Variants in OPCML observed in about 807,000 individuals in gnomAD.
OPCML encodes opioid binding protein/cell adhesion molecule like.
In OPCML, 13 loss-of-function variants were observed where a neutral mutation model predicts 37.8. That is an observed-to-expected ratio of 0.34 (90% CI 0.22 to 0.55). The LOEUF (loss-of-function observed/expected upper bound fraction) is 0.55, where lower values mean the gene tolerates loss of function less well. Ranked by LOEUF, OPCML falls within the 20% of genes least tolerant of loss-of-function variation. OPCML has a pLI of 0.91. For missense variants in OPCML, 341 were observed against 435.6 expected, an observed-to-expected ratio of 0.78 and a Z score of 1.93; for synonymous variants, 176 against 168.8, an observed-to-expected ratio of 1.04 and a Z score of -0.33.
intron 1 of OPCML, among the ~76,000 whole-genome samples, chr11:133,184,479 G>T (rs551738049): frequency 3.3e-5 from 5 of 152,252 alleles, no homozygotes; most frequent in Non-Finnish European, 7.4e-5. Context: ...CCTTCCGTGG[G>T]GAGGGAAGAA....
intron 2 of OPCML, among the ~76,000 whole-genome samples, chr11:132,673,623 C>T (rs979393013): frequency 1.3e-5 from 2 of 152,034 alleles, no homozygotes; most frequent in Non-Finnish European, 1.5e-5. Context: ...GGGTCATTGG[C>T]TCCTCAGAGT....
intron 1 of OPCML, among the ~76,000 whole-genome samples, chr11:133,175,454 G>A (rs1950353357): frequency 1.3e-5 from 2 of 150,684 alleles, no homozygotes; most frequent in Non-Finnish European, 2.9e-5. Context: ...CTTTGGTATA[G>A]GTCTACAAGT....
chr11:133,484,417 T>C (rs1413634203), intron 1 of OPCML, among the ~76,000 whole-genome samples: 1 of 152,026 alleles, frequency 6.6e-6, no homozygotes, highest in Non-Finnish European at 1.5e-5. Context: ...AAATACGAAT[T>C]GGTAACTCAG....
chr11:133,251,577 TG>T lies in OPCML; in HGVS notation c.61+280686del, dbSNP rs35847000. On this transcript the variant is annotated intron_variant, in intron 1 of 7. Coordinates refer to ENST00000524381, the MANE Select transcript of OPCML (RefSeq NM_001012393.5). ...TTTTTGTTTGTTTGTGTTCTTTTTT[TG>T]GGGGGGGGAGGGGACACGGGGTACA... is the stretch of plus-strand genomic sequence containing the variant. Among the ~76,000 whole-genome samples the T allele has an allele frequency of 7.9e-4, 106 of 134,738 alleles. 1 individual carries two copies. The highest frequency in any genetic ancestry group is 1.5e-3 in the African/African-American group (54 of 36,878). The allele number at this position is 134,738 out of a possible 152,430, so 88.4% of individuals were successfully genotyped here.
chr11:132,690,484 T>G (rs149593776), intron 2 of OPCML, among the ~76,000 whole-genome samples: 15 of 152,160 alleles, frequency 9.9e-5, no homozygotes, highest in African/African-American at 3.1e-4. Context: ...CTGGAGTGTG[T>G]CAAAGGAAAG....
At chr11:132,577,670 T>C (rs1237372923) in intron 3 of OPCML, among the ~76,000 whole-genome samples, 1 of 152,192 alleles carries the variant, frequency 6.6e-6, no homozygotes, top group African/African-American at 2.4e-5. Context: ...AATGAAACTT[T>C]CTCTAGCTAG....
intron 1 of OPCML, among the ~76,000 whole-genome samples, chr11:133,384,964 C>A (rs1258869239): frequency 6.6e-6 from 1 of 152,244 alleles, no homozygotes; most frequent in Non-Finnish European, 1.5e-5. Context: ...AGAGGCCGGC[C>A]AGATCCCAGG....
chr11:132,922,311 G>A (rs1944834679), intron 2 of OPCML, among the ~76,000 whole-genome samples: 1 of 152,096 alleles, frequency 6.6e-6, no homozygotes. Context: ...CCCAAGCTGA[G>A]ACAATCTGAT....
intron 2 of OPCML, among the ~76,000 whole-genome samples, chr11:132,745,111 A>T (rs1945571380): frequency 6.6e-6 from 1 of 152,146 alleles, no homozygotes. Flanking sequence ...CACACAGTAG[A>T]CTTCATGGTC....
At chr11:133,083,375 C>T (rs545645228) in intron 1 of OPCML, among the ~76,000 whole-genome samples, 5 of 152,234 alleles carry the variant, frequency 3.3e-5, no homozygotes, top group African/African-American at 1.2e-4. Flanking sequence ...AGCCTGAGTC[C>T]CGGATACTGG....
chr11:132,631,308 A>G (rs1486893073), intron 3 of OPCML, among the ~76,000 whole-genome samples: 1 of 149,622 alleles, frequency 6.7e-6, no homozygotes, highest in Non-Finnish European at 1.5e-5. Context: ...TCTCAGTAAA[A>G]TAATAAATAC....
At chr11:133,344,512 C>T (rs928122738) in intron 1 of OPCML, among the ~76,000 whole-genome samples, 21 of 152,160 alleles carry the variant, frequency 1.4e-4, no homozygotes, top group Middle Eastern at 3.2e-3. Context: ...TCCCATCTTA[C>T]GGCATCACAC....
intron 1 of OPCML, among the ~76,000 whole-genome samples, chr11:133,122,281 C>T (rs58346691): frequency 0.072 from 10,884 of 152,196 alleles, 465 homozygotes; most frequent in Middle Eastern, 0.13. Context: ...GTTGCCCAAC[C>T]TTGGGATAGT....
At position 133,241,666 on chromosome 11, in the gene OPCML, C is replaced by T. The variant is rs145943654; in HGVS notation, c.61+290598G>A. 7.0e-3 allele frequency among the ~76,000 whole-genome samples: 1,072 copies of T among 152,292 alleles called. 12 individuals are homozygous for T. Among genetic ancestry groups the T allele is most frequent in the African/African-American group, 0.025 (1,027 of 41,540 alleles). On this transcript the variant is annotated intron_variant, in intron 1 of 7. Transcript: ENST00000524381. The stretch of plus-strand genomic sequence containing the variant: ...AAAAGAGATCATAGGTAATGTAGTT[C>T]ACCTTCCCTCCTAATGTAAGGATTC...
chr11:132,650,622 C>T (rs917390426), intron 3 of OPCML, among the ~76,000 whole-genome samples: 1 of 152,074 alleles, frequency 6.6e-6, no homozygotes, highest in Non-Finnish European at 1.5e-5. Context: ...CACACAGCCA[C>T]ACATGGGATT....
chr11:132,536,147 A>T (rs1415520806), intron 3 of OPCML, among the ~76,000 whole-genome samples: 1 of 152,138 alleles, frequency 6.6e-6, no homozygotes, highest in Non-Finnish European at 1.5e-5. Context: ...ATCCCTCAGC[A>T]TCCTGTCCCT....
chr11:132,490,899 A>G (rs2096213712), intron 4 of OPCML, among the ~76,000 whole-genome samples: 1 of 152,036 alleles, frequency 6.6e-6, no homozygotes, highest in Non-Finnish European at 1.5e-5. Flanking sequence ...GTATATGCCA[A>G]ATTCTCACTT....
At chr11:133,220,519 G>A (rs971292743) in intron 1 of OPCML, among the ~76,000 whole-genome samples, 3 of 152,146 alleles carry the variant, frequency 2.0e-5, no homozygotes, top group African/African-American at 7.2e-5. Context: ...GAGGTCAGAG[G>A]AGGAGAGGTC....
intron 2 of OPCML, among the ~76,000 whole-genome samples, chr11:132,868,924 G>A (rs992493694): frequency 1.3e-5 from 2 of 152,180 alleles, no homozygotes; most frequent in Non-Finnish European, 2.9e-5. Context: ...TTACCCTCAG[G>A]ACAGGTGGAA....
Sources: gnomAD v4.1 joint callset for allele counts (sites outside exome capture counted in the v4.1 genomes callset) on GRCh38, gnomAD v4.1.1 for gene constraint, MANE v1.5 for transcripts, NCBI Gene and HGNC (gene_info 2026-07-23, HGNC 2026-07-21) for gene names.